The following KIAA1328 variants were observed in gnomAD, a reference collection of about 807,000 sequenced individuals.
KIAA1328 encodes protein hinderin.
KIAA1328 carries 52 observed loss-of-function variants against 68.1 expected under a neutral mutation model. The ratio of observed to expected loss-of-function variants is 0.76; its 90% CI spans 0.61 to 0.96. The LOEUF is 0.96. KIAA1328 is among the 40% of genes least tolerant of loss of function. The pLI, the probability that KIAA1328 is intolerant of heterozygous loss-of-function variation, is 0.00. For missense variants in KIAA1328, 641 were observed against 677.6 expected, an observed-to-expected ratio of 0.95 and a Z score of 0.60; for synonymous variants, 232 against 239.4, an observed-to-expected ratio of 0.97 and a Z score of 0.28.
intron 6 of KIAA1328, among the ~76,000 whole-genome samples, chr18:37,057,939 C>T (rs1163361262): frequency 6.6e-6 from 1 of 152,154 alleles, no homozygotes; most frequent in Admixed American, 6.5e-5. Context: ...GTCGTAGTTG[C>T]ACTTGGCTGA....
chr18:37,185,092 GGAGGCA>G (rs2059769885), intron 9 of KIAA1328, among the ~76,000 whole-genome samples: 2 of 151,948 alleles, frequency 1.3e-5, no homozygotes, highest in African/African-American at 4.8e-5. Context: ...CGTGAACCTG[GGAGGCA>G]GAGCTTGCAG....
At chr18:37,112,500 A>G (rs987754270) in intron 7 of KIAA1328, among the ~76,000 whole-genome samples, 1 of 152,210 alleles carries the variant, frequency 6.6e-6, no homozygotes, top group Non-Finnish European at 1.5e-5. Flanking sequence ...CCCCATCTGT[A>G]CATCACCATC....
At chr18:37,025,087 G>T (rs1771333256) in intron 6 of KIAA1328, among the ~76,000 whole-genome samples, 1 of 152,066 alleles carries the variant, frequency 6.6e-6, no homozygotes. Flanking sequence ...GTATGAGATG[G>T]CATCTCATTG....
chr18:36,999,592 G>A lies in KIAA1328; in HGVS notation c.576+40157G>A, dbSNP rs2053514759. On this transcript the variant is annotated intron_variant, in intron 6 of 9. Transcript: ENST00000280020. ...GGATTTCTTAGCAGACACCTTACAA[G>A]CTCAAAGAGAATGGGATGATATATT... is the stretch of plus-strand genomic sequence containing the variant. Among the ~76,000 whole-genome samples, 3 of 152,170 alleles carry A rather than the reference G, an allele frequency of 2.0e-5. No individual in the cohort carries two copies. In the South Asian group the frequency reaches 6.2e-4, roughly 31 times the overall value.
intron 8 of KIAA1328, among the ~76,000 whole-genome samples, chr18:37,161,539 T>C (rs947928645): frequency 6.6e-6 from 1 of 152,250 alleles, no homozygotes; most frequent in African/African-American, 2.4e-5. Flanking sequence ...ACTTAGAAGC[T>C]TCTTTTTAGA....
At chr18:36,840,428 C>T (rs2046821243) in intron 3 of KIAA1328, among the ~76,000 whole-genome samples, 1 of 151,122 alleles carries the variant, frequency 6.6e-6, no homozygotes, top group African/African-American at 2.4e-5. Context: ...TTTTTCTTTT[C>T]CTTTTTTCCA....
intron 8 of KIAA1328, among the ~76,000 whole-genome samples, chr18:37,168,545 A>G (rs879376574): frequency 1.3e-5 from 2 of 152,262 alleles, no homozygotes; most frequent in Non-Finnish European, 2.9e-5. Context: ...AAGAAACTGC[A>G]GTACATAAAA....
In KIAA1328 at chr18:36,897,489, AAAG is replaced by A. The variant is rs530985742; in HGVS notation, c.448+11822_448+11824del. ...GAAAAGTGTCAAGAGGCAAAGGAGA[AAAG>A]AAGATGAGAGAGAGAGATAAAACCA... On this transcript the variant is annotated intron_variant, in intron 5 of 9. Transcript: ENST00000280020. 7.0e-4 allele frequency among the ~76,000 whole-genome samples: 107 copies of A among 152,236 alleles called. 1 individual carries two copies. Among genetic ancestry groups the A allele is most frequent in the East Asian group, 2.7e-3 (14 of 5,184 alleles).
At chr18:36,906,498 G>A (rs143802798) in intron 5 of KIAA1328, among the ~76,000 whole-genome samples, 186 of 152,066 alleles carry the variant, frequency 1.2e-3, no homozygotes, top group Non-Finnish European at 2.0e-3. Context: ...TTTAAAATTC[G>A]TCTATATTTT....
intron 1 of KIAA1328, 21 bp downstream of exon 1, chr18:36,829,217 AG>A (rs1207000329): frequency 6.7e-7 from 1 of 1,501,258 alleles, no homozygotes; most frequent in Non-Finnish European, 8.9e-7. Flanking sequence ...CCCGCCTGAC[AG>A]GGGGCGCCGG....
intron 9 of KIAA1328, among the ~76,000 whole-genome samples, chr18:37,186,065 G>A (rs2154216432): frequency 6.9e-6 from 1 of 145,464 alleles, no homozygotes; most frequent in Middle Eastern, 3.6e-3. Context: ...CAGTGTGACT[G>A]ATGACCTCAA....
At chr18:36,834,672 G>T (rs943110375) in intron 2 of KIAA1328, among the ~76,000 whole-genome samples, 1 of 151,984 alleles carries the variant, frequency 6.6e-6, no homozygotes, top group Non-Finnish European at 1.5e-5. Context: ...ATAAAAGTGT[G>T]ACTACTGCTT....
At chr18:37,163,483 G>T (rs1049683824) in intron 8 of KIAA1328, among the ~76,000 whole-genome samples, 3 of 152,054 alleles carry the variant, frequency 2.0e-5, no homozygotes, top group African/African-American at 7.2e-5. Context: ...TTGTCTTTGG[G>T]GTTTTCTTAG....
At chr18:36,979,181 T>G (rs924708904) in intron 6 of KIAA1328, among the ~76,000 whole-genome samples, 2 of 140,296 alleles carry the variant, frequency 1.4e-5, no homozygotes, top group Non-Finnish European at 3.1e-5. Context: ...TAAAATAAAA[T>G]TTAAAAATAA....
intron 7 of KIAA1328, among the ~76,000 whole-genome samples, chr18:37,126,624 T>C (rs323301): frequency 1 from 152,228 of 152,252 alleles, 76,102 homozygotes; most frequent in Middle Eastern, 1. Context: ...CACCATTACT[T>C]TGATACCAAA....
At chr18:37,192,171 GTGTGTA>G (rs1355361245) in intron 9 of KIAA1328, among the ~76,000 whole-genome samples, 2 of 151,614 alleles carry the variant, frequency 1.3e-5, no homozygotes, top group African/African-American at 2.4e-5. Flanking sequence ...GTGTGTGTGT[GTGTGTA>G]TGTGTGTATG....
intron 4 of KIAA1328, among the ~76,000 whole-genome samples, chr18:36,868,637 G>A (rs1269238063): frequency 2.0e-5 from 3 of 152,030 alleles, no homozygotes; most frequent in African/African-American, 7.2e-5. Context: ...AACAATGTTG[G>A]CCACAATTGC....
At chr18:37,059,018 T>C (rs1390245031) in intron 6 of KIAA1328, among the ~76,000 whole-genome samples, 5 of 151,988 alleles carry the variant, frequency 3.3e-5, no homozygotes, top group Admixed American at 6.6e-5. Context: ...GTTAAAGAAG[T>C]TGGGTTTTTT....
At chr18:37,088,528 G>A (rs111382960) in intron 7 of KIAA1328, among the ~76,000 whole-genome samples, 22 of 150,944 alleles carry the variant, frequency 1.5e-4, no homozygotes, top group African/African-American at 5.1e-4. Context: ...TTTTATATAG[G>A]GACATTATAG....
Sources: allele counts gnomAD v4.1 joint callset (sites outside exome capture counted in the v4.1 genomes callset), GRCh38; gene constraint gnomAD v4.1.1; transcripts MANE v1.5; gene names NCBI Gene and HGNC (gene_info 2026-07-23, HGNC 2026-07-21).